Variants in TENM1 observed in about 807,000 individuals in gnomAD.
TENM1 encodes the protein teneurin transmembrane protein 1, also known as teneurin-1.
TENM1 carries 35 observed loss-of-function variants against 174.8 expected under a neutral mutation model. The ratio of observed to expected loss-of-function variants is 0.20; its 90% CI spans 0.15 to 0.27. The LOEUF (loss-of-function observed/expected upper bound fraction) is 0.27. Among genes scored for constraint, TENM1 ranks in the 10% least tolerant of loss-of-function variants. The pLI is 1.00. For synonymous variants in TENM1, 781 were observed against 798.7 expected (o/e 0.98, Z 0.37); for missense variants, 1,633 against 2,130.1 (o/e 0.77, Z 4.59).
the TENM1 span, among the ~76,000 whole-genome samples, chrX:125,125,231 G>A: frequency 9.8e-4 from 109 of 111,778 alleles, no homozygotes; most frequent in East Asian, 5.4e-3. Flanking sequence ...CCAATAAATC[G>A]ACACATGACC....
chrX:124,662,030 G>A lies in TENM1; in HGVS notation c.1169-8247C>T, dbSNP rs772399565. Among the ~76,000 whole-genome samples the A allele has an allele frequency of 5.4e-5, 6 of 111,122 alleles. No individual in the cohort carries two copies. The South Asian group carries it at 2.3e-3, about 42-fold the overall frequency. On this transcript the variant is annotated intron_variant, in intron 6 of 31. Coordinates refer to ENST00000422452, the Ensembl canonical transcript of TENM1. The stretch of plus-strand genomic sequence containing the variant: ...TACTCAGTATGCCATCCAATTTGAT[G>A]TCCCAGTTTATCTCTAAGGCTCCTC...
intron 20 of TENM1, among the ~76,000 whole-genome samples, chrX:124,492,737 C>T: frequency 9.1e-6 from 1 of 110,297 alleles, no homozygotes; most frequent in Non-Finnish European, 1.9e-5. Flanking sequence ...GCCTTTTCTC[C>T]TTGAACCTAA....
intron 11 of TENM1, among the ~76,000 whole-genome samples, chrX:124,640,854 G>A (rs1451837610): frequency 9.2e-6 from 1 of 108,286 alleles, no homozygotes; most frequent in Non-Finnish European, 1.9e-5. Flanking sequence ...CCAGCTACTC[G>A]GGAGGCTGAG....
intron 4 of TENM1, among the ~76,000 whole-genome samples, chrX:124,721,932 C>G (rs1405447980): frequency 8.9e-6 from 1 of 112,269 alleles, no homozygotes; most frequent in African/African-American, 3.2e-5. Flanking sequence ...CACAAACATA[C>G]ATGCATACAT....
At chrX:124,506,980 A>C (rs2047464713) in intron 18 of TENM1, among the ~76,000 whole-genome samples, 1 of 111,870 alleles carries the variant, frequency 8.9e-6, no homozygotes, top group African/African-American at 3.3e-5. Context: ...CAGCTAAATA[A>C]GCACAGTGGA....
chrX:124,880,066 T>C (rs2057277119), intron 3 of TENM1, among the ~76,000 whole-genome samples: 1 of 111,879 alleles, frequency 8.9e-6, no homozygotes, highest in Non-Finnish European at 1.9e-5. Flanking sequence ...TAGGATTTTT[T>C]CTATTTCTGT....
intron 3 of TENM1, among the ~76,000 whole-genome samples, chrX:124,773,087 T>C (rs1487664427): frequency 9.0e-6 from 1 of 111,725 alleles, no homozygotes; most frequent in Non-Finnish European, 1.9e-5. Context: ...AAAGCAGCAA[T>C]GTGCCTTTCT....
At chrX:124,762,216 A>AG (rs2054435654) in intron 3 of TENM1, among the ~76,000 whole-genome samples, 1 of 111,987 alleles carries the variant, frequency 8.9e-6, no homozygotes, top group Non-Finnish European at 1.9e-5. Context: ...ATCTAAACCT[A>AG]ATCATCCCCC....
the TENM1 span, among the ~76,000 whole-genome samples, chrX:125,040,098 A>G: frequency 1.8e-5 from 2 of 111,501 alleles, no homozygotes; most frequent in Non-Finnish European, 3.8e-5. Flanking sequence ...AAGACTTCCA[A>G]AATCAAAGGG....
chrX:124,532,311 T>C (rs926408159), intron 15 of TENM1, among the ~76,000 whole-genome samples: 11 of 112,160 alleles, frequency 9.8e-5, no homozygotes, highest in African/African-American at 3.2e-4. Flanking sequence ...GTTGGCATTA[T>C]TTTCTCATAT....
At chrX:124,954,528 G>A (rs969919315) in intron 1 of TENM1, among the ~76,000 whole-genome samples, 3 of 111,479 alleles carry the variant, frequency 2.7e-5, no homozygotes, top group African/African-American at 9.8e-5. Flanking sequence ...TACCTCTCTT[G>A]TTAGAAACAA....
At chrX:124,749,713 C>A (rs970496854) in intron 3 of TENM1, among the ~76,000 whole-genome samples, 3 of 111,727 alleles carry the variant, frequency 2.7e-5, no homozygotes, top group African/African-American at 9.8e-5. Context: ...CCGCTCATAG[C>A]AAATAAACAG....
chrX:124,629,562 T>A (rs998897650), intron 11 of TENM1, among the ~76,000 whole-genome samples: 3 of 112,507 alleles, frequency 2.7e-5, no homozygotes, highest in Non-Finnish European at 5.6e-5. Flanking sequence ...GGGAAAAGCA[T>A]CATGCTATGT....
intron 18 of TENM1, among the ~76,000 whole-genome samples, chrX:124,509,519 C>G (rs985951639): frequency 4.9e-4 from 54 of 110,416 alleles, no homozygotes; most frequent in African/African-American, 1.7e-3. Context: ...ACAATGTGAC[C>G]GACTAAAAGG....
At chrX:124,811,603 T>C (rs574475461) in intron 3 of TENM1, among the ~76,000 whole-genome samples, 6 of 111,596 alleles carry the variant, frequency 5.4e-5, no homozygotes, top group African/African-American at 1.9e-4. Flanking sequence ...AAAACCAGTA[T>C]GGAGATTTCT....
At chrX:124,952,202 A>C (rs1257422340) in intron 1 of TENM1, among the ~76,000 whole-genome samples, 1 of 111,274 alleles carries the variant, frequency 9.0e-6, no homozygotes, top group Non-Finnish European at 1.9e-5. Context: ...GCTGCTCCAT[A>C]TAACATCTCT....
At chrX:124,998,860 A>G in the TENM1 span, among the ~76,000 whole-genome samples, 2 of 111,874 alleles carry the variant, frequency 1.8e-5, no homozygotes, top group East Asian at 5.6e-4. Context: ...CACTTATTAC[A>G]CTTGCAAACA....
intron 3 of TENM1, among the ~76,000 whole-genome samples, chrX:124,743,976 A>G (rs1218125911): frequency 9.0e-6 from 1 of 111,669 alleles, no homozygotes; most frequent in Non-Finnish European, 1.9e-5. Flanking sequence ...TTAGTCAAAG[A>G]TCCACAAAGC....
chrX:124,645,987 C>T (rs934072129), intron 9 of TENM1, among the ~76,000 whole-genome samples: 2 of 111,630 alleles, frequency 1.8e-5, no homozygotes, highest in Non-Finnish European at 1.9e-5. Context: ...TTTTAGAATT[C>T]GCTACTGAAT....
Sources: gnomAD v4.1 joint callset for allele counts (sites outside exome capture counted in the v4.1 genomes callset) on GRCh38, gnomAD v4.1.1 for gene constraint, MANE v1.5 for transcripts, NCBI Gene and HGNC (gene_info 2026-07-23, HGNC 2026-07-21) for gene names.